Variants in PADI6 observed in about 807,000 individuals in gnomAD.
PADI6 encodes peptidyl arginine deiminase 6.
Under a neutral mutation model 78.2 loss-of-function variants are expected in PADI6, and 66 were observed. The observed-to-expected ratio is 0.84, with a 90% CI of 0.69 to 1.04. PADI6 has a LOEUF of 1.04. Among genes scored for constraint, PADI6 ranks in the 50% least tolerant of loss-of-function variants. The pLI is 0.00. For missense variants in PADI6, 854 were observed against 866.1 expected (o/e 0.99, Z 0.18); for synonymous variants, 397 against 346.9 (o/e 1.14, Z -1.60).
chr1:17,375,177 G>T (rs116248830), intron 2 of PADI6, among the ~76,000 whole-genome samples: 98 of 152,242 alleles, frequency 6.4e-4, no homozygotes, highest in African/African-American at 2.3e-3. Context: ...CAGCTCTCAC[G>T]TGGACAGGTG....
chr1:17,395,166 G>A, intron 12 of PADI6, 59 bp downstream of exon 12: 1 of 1,540,872 alleles, frequency 6.5e-7, no homozygotes. Context: ...GGGGAATCTT[G>A]GAAGATTCTG....
intron 3 of PADI6, among the ~76,000 whole-genome samples, chr1:17,378,212 G>A (rs1310487064): frequency 6.6e-6 from 1 of 152,054 alleles, no homozygotes; most frequent in African/African-American, 2.4e-5. Context: ...ATATCCCTCA[G>A]TGCTTATTGC....
At position 17,398,824 on chromosome 1, in the gene PADI6, G is replaced by T; in HGVS notation, c.1828G>T (p.Ala610Ser). Reference protein sequence around the residue: ...PSDQQPKRSFARPYFPDLLRM... With the variant: ...PSDQQPKRSFSRPYFPDLLRM... ...TGACCAGCAGCCCAAGAGGTCCTTTGCGAGGCCATACTTCCCTGACCTGGT... is the reference window on the plus strand; with the variant it reads ...TGACCAGCAGCCCAAGAGGTCCTTTTCGAGGCCATACTTCCCTGACCTGGT... Residue 610 changes from alanine (A) to serine (S), a missense_variant, in exon 15 of 16, where the codon GCG becomes TCG. Ala to Ser is a moderately conservative substitution (Grantham distance 99, BLOSUM62 1). Coordinates refer to ENST00000619609, the MANE Select transcript of PADI6 (RefSeq NM_207421.4). 3 of 1,613,486 alleles carry T rather than the reference G, an allele frequency of 1.9e-6. No individual in the cohort carries two copies. Among genetic ancestry groups the T allele is most frequent in the Non-Finnish European group, 2.5e-6 (3 of 1,179,768 alleles).
At chr1:17,394,555 T>TG (rs2075226519) in intron 11 of PADI6, 101 bp downstream of exon 11, 2 of 1,271,542 alleles carry the variant, frequency 1.6e-6, no homozygotes, top group African/African-American at 3.0e-5. Flanking sequence ...TCACACACAC[T>TG]GGACCATTTC....
intron 12 of PADI6, 49 bp from the exon 13 acceptor site, chr1:17,395,491 C>A (rs1279158129): frequency 3.2e-6 from 5 of 1,541,888 alleles, no homozygotes; most frequent in Non-Finnish European, 4.4e-6. Context: ...ATATGAGCCA[C>A]CATGTCCAGC....
intron 6 of PADI6, among the ~76,000 whole-genome samples, chr1:17,384,942 G>T (rs147047790): frequency 6.6e-6 from 1 of 152,244 alleles, no homozygotes; most frequent in Non-Finnish European, 1.5e-5. Context: ...GCACGCAGTC[G>T]AGCGTGTCTG....
Position 17,394,559 on chromosome 1 carries a change from C to A in PADI6, c.1337+105C>A, listed in dbSNP as rs550724239. ...ACCTCAGCAGGTCACACACACTGGACCATTTCTTAAACTGAAGACATTTGA... is the reference window on the plus strand; with the variant it reads ...ACCTCAGCAGGTCACACACACTGGAACATTTCTTAAACTGAAGACATTTGA... On this transcript the variant is annotated intron_variant, in intron 11 of 15. Transcript: ENST00000619609. The A allele has an allele frequency of 2.8e-5, 35 of 1,240,172 alleles. No individual in the cohort carries two copies. The African/African-American group carries it at 5.3e-4, about 19-fold the overall frequency. The allele number at this position is 1,240,172 out of a possible 1,614,324, so 76.8% of individuals were successfully genotyped here.
chr1:17,393,296 C>T (rs1002774933), intron 9 of PADI6, among the ~76,000 whole-genome samples: 1 of 152,054 alleles, frequency 6.6e-6, no homozygotes. Context: ...AAGCATGAAT[C>T]GGGAATGAAA....
At position 17,379,994 on chromosome 1, in the gene PADI6, C is replaced by G; in HGVS notation, c.435+7C>G. Reference sequence around the variant, plus strand: ...AAGTGACAAACAGGCTAAGGTGAGTCTGCCAGCAAAAGGGGGCAGGGAAGG... The same window carrying G: ...AAGTGACAAACAGGCTAAGGTGAGTGTGCCAGCAAAAGGGGGCAGGGAAGG... On this transcript the variant is annotated splice_region_variant and intron_variant, in intron 4 of 15. Coordinates refer to ENST00000619609, the MANE Select transcript of PADI6 (RefSeq NM_207421.4). 1 of 1,613,258 alleles carries G rather than the reference C, an allele frequency of 6.2e-7. No homozygotes were observed. The highest frequency in any genetic ancestry group is 8.5e-7 in the Non-Finnish European group (1 of 1,179,436).
Position 17,372,207 on chromosome 1 carries a change from G to T in PADI6, c.-39G>T. On this transcript the variant is annotated 5_prime_UTR_variant, in exon 1 of 16. Transcript: ENST00000619609. ...CAGGGTGAGCCCTGGGGCGTCTGAG[G>T]CTGCTGTGCTGAGTGAGGGCTGCGG... 1 of 1,579,424 alleles carries T rather than the reference G, an allele frequency of 6.3e-7. No homozygotes were observed. The highest frequency in any genetic ancestry group is 8.7e-7 in the Non-Finnish European group (1 of 1,148,646).
In PADI6 at chr1:17,395,489, C is replaced by A; in HGVS notation, c.1495-51C>A. The A allele has an allele frequency of 9.8e-6, 15 of 1,537,698 alleles. No homozygotes were observed. The South Asian group carries it at 1.8e-4, about 18-fold the overall frequency. ...AAGTGCTGGGATTACAGATATGAGCCACCATGTCCAGCTGAGAAAGCTGGC... is the reference window on the plus strand; with the variant it reads ...AAGTGCTGGGATTACAGATATGAGCAACCATGTCCAGCTGAGAAAGCTGGC... On this transcript the variant is annotated intron_variant, in intron 12 of 15. Transcript: ENST00000619609.
At chr1:17,395,744 G>C in intron 13 of PADI6, 81 bp downstream of exon 13, 8 of 1,488,968 alleles carry the variant, frequency 5.4e-6, no homozygotes, top group Non-Finnish European at 7.2e-6. Context: ...ATTCTGTCAC[G>C]CTTGGCGTAA....
intron 14 of PADI6, among the ~76,000 whole-genome samples, chr1:17,397,684 A>G (rs1278291497): frequency 6.6e-6 from 1 of 152,044 alleles, no homozygotes; most frequent in Non-Finnish European, 1.5e-5. Context: ...TAAAACTACA[A>G]ACCCTGCAGA....
intron 12 of PADI6, among the ~76,000 whole-genome samples, chr1:17,395,310 TCTC>T (rs1297139473): frequency 6.6e-6 from 1 of 152,022 alleles, no homozygotes; most frequent in East Asian, 1.9e-4. Context: ...CTCAAGCAAT[TCTC>T]CTGCCTCAGC....
At chr1:17,393,082 G>A (rs1454673043) in intron 9 of PADI6, among the ~76,000 whole-genome samples, 6 of 152,146 alleles carry the variant, frequency 3.9e-5, no homozygotes, top group Non-Finnish European at 8.8e-5. Context: ...GGAGGCGGAG[G>A]TTGCAGTGCA....
chr1:17,401,072 C>A, intron 15 of PADI6, 133 bp from the exon 16 acceptor site: 1 of 716,476 alleles, frequency 1.4e-6, no homozygotes, highest in African/African-American at 1.8e-5. Context: ...CAAAAGTGAG[C>A]TGGGTTTCAC....
intron 8 of PADI6, among the ~76,000 whole-genome samples, chr1:17,390,602 C>CAAAAAAAA (rs11410245): frequency 3.0e-5 from 4 of 135,060 alleles, no homozygotes; most frequent in South Asian, 2.5e-4. Flanking sequence ...GATTCCATCT[C>CAAAAAAAA]AAAAAAAAAA....
At chr1:17,401,141 TG>T in intron 15 of PADI6, 63 bp from the exon 16 acceptor site, 1 of 1,485,716 alleles carries the variant, frequency 6.7e-7, no homozygotes. Flanking sequence ...GAGAGGCAGG[TG>T]GGCGGCTGGC....
At chr1:17,382,679 CTT>C (rs2075084665) in intron 6 of PADI6, among the ~76,000 whole-genome samples, 1 of 152,230 alleles carries the variant, frequency 6.6e-6, no homozygotes, top group African/African-American at 2.4e-5. Context: ...CCTTGCACAT[CTT>C]TTGACTTCCC....
Sources: gnomAD v4.1 joint callset for allele counts (sites outside exome capture counted in the v4.1 genomes callset) on GRCh38, gnomAD v4.1.1 for gene constraint, MANE v1.5 for transcripts, NCBI Gene and HGNC (gene_info 2026-07-23, HGNC 2026-07-21) for gene names.